HYOU1: variants seen among roughly 807,000 people sequenced by gnomAD.
The protein encoded by HYOU1 is hypoxia up-regulated protein 1.
Under a neutral mutation model 120.5 loss-of-function variants are expected in HYOU1, and 40 were observed. The ratio of observed to expected loss-of-function variants is 0.33; its 90% confidence interval spans 0.26 to 0.43. The LOEUF is 0.43. HYOU1 is among the 20% of genes least tolerant of loss of function. The pLI, the probability that HYOU1 is intolerant of heterozygous loss-of-function variation, is 1.00. For missense variants in HYOU1, 1,085 were observed against 1,278.3 expected (o/e 0.85, Z 2.31); for synonymous variants, 501 against 479.4 (o/e 1.05, Z -0.59).
chr11:119,052,202 A>T lies in HYOU1; in HGVS notation c.1123-30T>A, dbSNP rs1944486071. On this transcript the variant is annotated intron_variant, in intron 10 of 25. Coordinates refer to ENST00000617285, the MANE Select transcript of HYOU1 (RefSeq NM_006389.5). This position sits in a 1 kb window ranked among gnomAD's most constrained non-coding sequence, Gnocchi z 5.0. ...AGTGGGTAAGAATGACAGGTGCAACAGCATGCAGTTAGCACTGACTCGTCC... is the reference window on the plus strand; with the variant it reads ...AGTGGGTAAGAATGACAGGTGCAACTGCATGCAGTTAGCACTGACTCGTCC... 1 of 1,613,646 alleles carries T rather than the reference A, an allele frequency of 6.2e-7. No individual in the cohort carries two copies. Among genetic ancestry groups the T allele is most frequent in the Non-Finnish European group, 8.5e-7 (1 of 1,179,650 alleles).
chr11:119,049,671 C>T, intron 15 of HYOU1, 36 bp from the exon 16 acceptor site: 6 of 1,612,054 alleles, frequency 3.7e-6, no homozygotes, highest in Non-Finnish European at 5.1e-6. Context: ...CAAAAGGAGA[C>T]CACAGCAGTG....
chr11:119,049,057 C>T lies in HYOU1; in HGVS notation c.1953G>A (p.Lys651=), dbSNP rs1944255306. 6.2e-7 allele frequency: 1 copy of T among 1,614,194 alleles called. No homozygotes were observed. The highest frequency in any genetic ancestry group is 1.6e-4 in the Middle Eastern group (1 of 6,062). The change falls in exon 17 of 26, where the codon AAG becomes AAA. Residue 651 remains lysine, a synonymous_variant. Transcript: ENST00000617285. ...PKGDATPEGE[K]ATEKENGDKS... ...TGTCCCCATTTTCTTTTTCTGTGGC[C>T]TTTTCTCCCTCAGGGGTTGCATCTC...
rs1177866446 is a variant in HYOU1, at chr11:119,052,349, A to C, written c.1068T>G (p.Phe356Leu). Residue 356 changes from phenylalanine to leucine, a missense_variant, in exon 10 of 26, where the codon TTT becomes TTG. Phe to Leu is a conservative substitution (Grantham distance 22, BLOSUM62 0). This residue lies in a region of HYOU1 where 515 missense variants were observed against 677.8 expected (regional missense o/e 0.76). Coordinates refer to ENST00000617285, the MANE Select transcript of HYOU1 (RefSeq NM_006389.5). This position sits in a 1 kb window ranked among gnomAD's most constrained non-coding sequence, Gnocchi z 5.0. ...VEFEELCADL[F>L]ERVPGPVQQA... ...GCTGTACAGGCCCAGGCACCCGCTCAAACAAGTCTGCACACAACTCCTCAA... is the reference window on the plus strand; with the variant it reads ...GCTGTACAGGCCCAGGCACCCGCTCCAACAAGTCTGCACACAACTCCTCAA... 1 of 1,614,176 alleles carries C rather than the reference A, an allele frequency of 6.2e-7. No homozygotes were observed. The highest frequency in any genetic ancestry group is 1.3e-5 in the African/African-American group (1 of 75,040).
rs2133575793 is a variant in HYOU1, at chr11:119,049,801, C to G, written c.1702G>C (p.Ala568Pro). ...CTGGTGAGAGTAGATTCCTCTTCTG[C>G]GCTGTCCTCTACCAGTGTCTCAAAT... Reference protein sequence around the residue: ...SVFETLVEDSAEEESTLTKLG... With the variant: ...SVFETLVEDSPEEESTLTKLG... Residue 568 changes from alanine to proline, a missense_variant, in exon 15 of 26, where the codon GCA (alanine) becomes CCA (proline). This residue lies in a region of HYOU1 where 515 missense variants were observed against 677.8 expected (regional missense o/e 0.76). Coordinates refer to ENST00000617285, the MANE Select transcript of HYOU1 (RefSeq NM_006389.5). 6.2e-7 allele frequency: 1 copy of G among 1,614,124 alleles called. No individual in the cohort carries two copies. The highest frequency in any genetic ancestry group is 8.5e-7 in the Non-Finnish European group (1 of 1,179,972).
chr11:119,052,316 G>T lies in HYOU1; in HGVS notation c.1101C>A (p.Leu367=). The change falls in exon 10 of 26, where the codon CTC becomes CTA. Residue 367 remains leucine (L), a synonymous_variant. Coordinates refer to ENST00000617285, the MANE Select transcript of HYOU1 (RefSeq NM_006389.5). This position sits in a 1 kb window ranked among gnomAD's most constrained non-coding sequence, Gnocchi z 5.0. ...ERVPGPVQQA[L]QSAEMSLDEI... is the part of the protein sequence containing the mutation. ...TCACCAGACTCATTTCGGCACTCTGGAGGGCCTGCTGTACAGGCCCAGGCA... is the reference window on the plus strand; with the variant it reads ...TCACCAGACTCATTTCGGCACTCTGTAGGGCCTGCTGTACAGGCCCAGGCA... The T allele has an allele frequency of 6.2e-7, 1 of 1,614,162 alleles. No individual in the cohort carries two copies.
At chr11:119,054,925 G>C in intron 6 of HYOU1, 59 bp downstream of exon 6, 1 of 1,540,032 alleles carries the variant, frequency 6.5e-7, no homozygotes, top group Non-Finnish European at 8.9e-7. Context: ...CCCTGTTGGA[G>C]AATCACTGCC....
In HYOU1 at chr11:119,048,616, G is replaced by C; in HGVS notation, c.2166-53C>G. 6.2e-7 allele frequency: 1 copy of C among 1,609,904 alleles called. No homozygotes were observed. Among genetic ancestry groups the C allele is most frequent in the Non-Finnish European group, 8.5e-7 (1 of 1,177,130 alleles). ...AGGGAGAGGGCAAGTGAGAACTTGAGACTCTGGGTCCGACAGCCCTCCCTC... is the reference window on the plus strand; with the variant it reads ...AGGGAGAGGGCAAGTGAGAACTTGACACTCTGGGTCCGACAGCCCTCCCTC... On this transcript the variant is annotated intron_variant, in intron 18 of 25. Coordinates refer to ENST00000617285, the MANE Select transcript of HYOU1 (RefSeq NM_006389.5). The surrounding 1 kb of genome is among the most constrained non-coding windows in gnomAD (Gnocchi z 4.7).
chr11:119,054,315 A>G, intron 7 of HYOU1, 79 bp from the exon 8 acceptor site: 2 of 1,263,726 alleles, frequency 1.6e-6, no homozygotes, highest in South Asian at 1.2e-5. Context: ...CCTGCTTCCA[A>G]TGGGCTGTCT....
chr11:119,049,112 C>T lies in HYOU1; in HGVS notation c.1898G>A (p.Gly633Asp). Residue 633 changes from glycine (G) to aspartate (D), a missense_variant, in exon 17 of 26, where the codon GGC becomes GAC. By Grantham distance (94) the Gly-to-Asp change is moderately conservative. Coordinates refer to ENST00000617285, the MANE Select transcript of HYOU1 (RefSeq NM_006389.5). ...AGGTTCAGGGGGTGGGGGCTGAGAG[C>T]CATCCTCCACTGGGGCCTCAGCTTC... is the stretch of plus-strand genomic sequence containing the variant. ...KEEAEAPVED[G>D]SQPPPPEPKG... 1.9e-6 allele frequency: 3 copies of T among 1,613,996 alleles called. No individual in the cohort carries two copies. The highest frequency in any genetic ancestry group is 2.5e-6 in the Non-Finnish European group (3 of 1,179,934).
At position 119,048,429 on chromosome 11, in the gene HYOU1, G is replaced by A. The variant is rs1367430483; in HGVS notation, c.2253+47C>T. ...CAAGCCCAGAGGCAAGGCCCACAGAGCCAGGTGTAAGCCCAGTGGGGGGGC... is the reference window on the plus strand; with the variant it reads ...CAAGCCCAGAGGCAAGGCCCACAGAACCAGGTGTAAGCCCAGTGGGGGGGC... On this transcript the variant is annotated intron_variant, in intron 19 of 25. Transcript: ENST00000617285. This position sits in a 1 kb window ranked among gnomAD's most constrained non-coding sequence, Gnocchi z 4.7. The A allele has an allele frequency of 3.1e-6, 5 of 1,612,382 alleles. No individual in the cohort carries two copies. Among genetic ancestry groups the A allele is most frequent in the Non-Finnish European group, 4.2e-6 (5 of 1,179,714 alleles).
At position 119,048,573 on chromosome 11, in the gene HYOU1, AAAG is replaced by A. The variant is rs2133565427; in HGVS notation, c.2166-13_2166-11del. The A allele has an allele frequency of 2.5e-6, 4 of 1,613,702 alleles. No homozygotes were observed. The East Asian group carries it at 8.9e-5, about 36-fold the overall frequency. ...TGTCAAGTCCTGAAGTCTATGGGAC[AAAG>A]GAGGGGTAGGGATGAGGGAGAGGGC... On this transcript the variant is annotated splice_polypyrimidine_tract_variant and intron_variant, in intron 18 of 25. Transcript: ENST00000617285. The surrounding 1 kb of genome is among the most constrained non-coding windows in gnomAD (Gnocchi z 4.7).
At position 119,045,393 on chromosome 11, in the gene HYOU1, C is replaced by T. The variant is rs1000069607; in HGVS notation, c.*200G>A. On this transcript the variant is annotated 3_prime_UTR_variant, in exon 26 of 26. Transcript: ENST00000617285. ...GTGGGGCTGGGGAGGAGAACAGTTTCCATTTTTAACCACAGAGGTACTGCA... is the reference window on the plus strand; with the variant it reads ...GTGGGGCTGGGGAGGAGAACAGTTTTCATTTTTAACCACAGAGGTACTGCA... The T allele has an allele frequency of 5.4e-5, 38 of 702,146 alleles. No individual in the cohort carries two copies. The highest frequency in any genetic ancestry group is 8.7e-5 in the African/African-American group (5 of 57,338). 43.5% of individuals were successfully genotyped at this position (702,146 alleles called of 1,614,324 possible). A position where few individuals can be genotyped will look rare whatever the true frequency, so the allele number is the denominator to read the frequency against.
chr11:119,045,695 A>G, intron 25 of HYOU1, 41 bp from the exon 26 acceptor site: 1 of 1,613,696 alleles, frequency 6.2e-7, no homozygotes. Context: ...ACCGCAGGTG[A>G]AACAGAGGAA....
At position 119,048,475 on chromosome 11, in the gene HYOU1, C is replaced by T; in HGVS notation, c.2253+1G>A. On this transcript the variant is annotated splice_donor_variant, in intron 19 of 25. Transcript: ENST00000617285. LOFTEE classifies it high-confidence loss of function. The surrounding 1 kb of genome is among the most constrained non-coding windows in gnomAD (Gnocchi z 4.7). ...GGGGCTGCTGCCTCCTGCCCACTGA[C>T]CTGGGTCTCAAATATGAATGCTTCC... The T allele has an allele frequency of 6.2e-7, 1 of 1,613,920 alleles. No homozygotes were observed. Among genetic ancestry groups the T allele is most frequent in the Non-Finnish European group, 8.5e-7 (1 of 1,179,986 alleles).
At chr11:119,056,428 C>T in intron 1 of HYOU1, 1 of 559,932 alleles carries the variant, frequency 1.8e-6, no homozygotes, top group South Asian at 1.5e-5. Flanking sequence ...GCTAACAGGA[C>T]AAGAGAAAGG....
chr11:119,056,321 G>T (rs530176165), intron 1 of HYOU1, 154 bp from the exon 2 acceptor site: 9 of 697,212 alleles, frequency 1.3e-5, no homozygotes, highest in African/African-American at 7.0e-5. Flanking sequence ...CCTCCTGATG[G>T]GTACAAACCA....
chr11:119,055,295 G>C lies in HYOU1; in HGVS notation c.309C>G (p.Leu103=). The C allele has an allele frequency of 6.2e-7, 1 of 1,614,068 alleles. No individual in the cohort carries two copies. The highest frequency in any genetic ancestry group is 8.5e-7 in the Non-Finnish European group (1 of 1,179,966). ...PKATLRYFQH[L]LGKQADNPHV... Reference sequence around the variant, plus strand: ...GGGGGTTATCTGCCTGCTTCCCCAGGAGGTGCTGGAAGTAACGTAGCGTAG... The same window carrying C: ...GGGGGTTATCTGCCTGCTTCCCCAGCAGGTGCTGGAAGTAACGTAGCGTAG... Residue 103 remains leucine, a synonymous_variant, in exon 5 of 26, where the codon CTC becomes CTG. Coordinates refer to ENST00000617285, the MANE Select transcript of HYOU1 (RefSeq NM_006389.5). The surrounding 1 kb of genome is among the most constrained non-coding windows in gnomAD (Gnocchi z 4.0).
At chr11:119,056,823 C>G (rs1944803886) in intron 1 of HYOU1, 197 bp downstream of exon 1, 3 of 175,304 alleles carry the variant, frequency 1.7e-5, no homozygotes, top group Admixed American at 1.7e-4. Flanking sequence ...GGCGGCGGCT[C>G]CCACTCCCGG....
Position 119,051,337 on chromosome 11 carries a change from G to GC in HYOU1, c.1526+100dup. The GC allele has an allele frequency of 6.7e-7, 1 of 1,484,654 alleles. No homozygotes were observed. Among genetic ancestry groups the GC allele is most frequent in the Non-Finnish European group, 9.2e-7 (1 of 1,082,252 alleles). 92.0% of individuals were successfully genotyped at this position (1,484,654 alleles called of 1,614,324 possible). A position where few individuals can be genotyped will look rare whatever the true frequency, so the allele number is the denominator to read the frequency against. Reference sequence around the variant, plus strand: ...AGCTGATCATAGCTGCCCTGTTTCAGCCCCGCAGGCCCACATCCTCCCTCA... The same window carrying GC: ...AGCTGATCATAGCTGCCCTGTTTCAGCCCCCGCAGGCCCACATCCTCCCTCA... On this transcript the variant is annotated intron_variant, in intron 13 of 25. Coordinates refer to ENST00000617285, the MANE Select transcript of HYOU1 (RefSeq NM_006389.5). This position sits in a 1 kb window ranked among gnomAD's most constrained non-coding sequence, Gnocchi z 4.2.
Sources: allele counts gnomAD v4.1 joint callset, GRCh38; gene constraint gnomAD v4.1.1; regional missense constraint gnomAD v4.1.1; non-coding constraint Gnocchi (gnomAD v3.1); transcripts MANE v1.5; gene names NCBI Gene and HGNC (gene_info 2026-07-23, HGNC 2026-07-21).